The following OPRD1 variants were observed in gnomAD, a reference collection of about 807,000 sequenced individuals.
The protein encoded by OPRD1 is opioid receptor delta 1, also known as delta-type opioid receptor.
OPRD1 carries 19 observed loss-of-function variants against 17.5 expected under a neutral mutation model. The observed-to-expected ratio is 1.09, with a 90% confidence interval of 0.76 to 1.60. OPRD1 has a LOEUF of 1.60. Ranked by LOEUF, OPRD1 falls within the 40% of genes most tolerant of loss-of-function variation. The pLI, the probability that OPRD1 is intolerant of heterozygous loss-of-function variation, is 0.00. For missense variants in OPRD1, 483 were observed against 547.2 expected, an observed-to-expected ratio of 0.88 and a Z score of 1.17; for synonymous variants, 256 against 240.9, an observed-to-expected ratio of 1.06 and a Z score of -0.58.
At chr1:28,827,032 C>T (rs2088773875) in intron 1 of OPRD1, among the ~76,000 whole-genome samples, 2 of 152,176 alleles carry the variant, frequency 1.3e-5, no homozygotes, top group South Asian at 4.1e-4. Flanking sequence ...CGGTGGCTTA[C>T]GCCTGTAATT....
intron 1 of OPRD1, among the ~76,000 whole-genome samples, chr1:28,842,322 CCCGGCCTGAGCA>C (rs1473328348): frequency 1.3e-5 from 2 of 152,250 alleles, no homozygotes; most frequent in African/African-American, 2.4e-5. Flanking sequence ...AGCCACTGCA[CCCGGCCTGAGCA>C]CCGGGCATTT....
chr1:28,825,178 A>G (rs1364951663), intron 1 of OPRD1, among the ~76,000 whole-genome samples: 1 of 152,004 alleles, frequency 6.6e-6, no homozygotes, highest in Non-Finnish European at 1.5e-5. Context: ...GCCACCTTGT[A>G]TGTCAAGTTC....
chr1:28,849,623 T>C (rs183621295), intron 1 of OPRD1, among the ~76,000 whole-genome samples: 21 of 152,306 alleles, frequency 1.4e-4, no homozygotes, highest in Admixed American at 5.2e-4. Context: ...AATTATATTA[T>C]ATATCACCAG....
chr1:28,846,846 T>TTTCTTTCTTTCTTTCTTTCTTTCTTTTC (rs769212543), intron 1 of OPRD1, among the ~76,000 whole-genome samples: 9 of 76,946 alleles, frequency 1.2e-4, no homozygotes, highest in East Asian at 1.4e-3. Context: ...TCTTTCTTTC[T>TTTCTTTCTTTCTTTCTTTCTTTCTTTTC]TTTCTTTCTT....
At chr1:28,848,665 A>G (rs2088973710) in intron 1 of OPRD1, among the ~76,000 whole-genome samples, 1 of 152,202 alleles carries the variant, frequency 6.6e-6, no homozygotes, top group Non-Finnish European at 1.5e-5. Context: ...GTAAGTTCAC[A>G]TTCTTTTTCA....
chr1:28,863,160 C>T lies in OPRD1; in HGVS notation c.996C>T (p.Leu332=). 6.2e-7 allele frequency: 1 copy of T among 1,604,300 alleles called. No homozygotes were observed. ...DENFKRCFRQ[L]CRKPCGRPDP... Reference sequence around the variant, plus strand: ...ACTTCAAGCGCTGCTTCCGCCAGCTCTGCCGCAAGCCCTGCGGCCGCCCAG... The same window carrying T: ...ACTTCAAGCGCTGCTTCCGCCAGCTTTGCCGCAAGCCCTGCGGCCGCCCAG... The change falls in exon 3 of 3, where the codon CTC becomes CTT. Residue 332 remains leucine (L), a synonymous_variant. Transcript: ENST00000234961.
At chr1:28,857,780 A>G (rs768546250) in intron 1 of OPRD1, among the ~76,000 whole-genome samples, 5 of 151,488 alleles carry the variant, frequency 3.3e-5, no homozygotes, top group Admixed American at 6.6e-5. Flanking sequence ...GAGCCACTGC[A>G]CCTGGCTTAG....
In OPRD1 at chr1:28,849,505, CAT is replaced by C. The variant is rs1419192275; in HGVS notation, c.228-9448_228-9447del. On this transcript the variant is annotated intron_variant, in intron 1 of 2. Coordinates refer to ENST00000234961, the MANE Select transcript of OPRD1 (RefSeq NM_000911.4). ...ACACTGATACACATACACACACACA[CAT>C]GCACACACACACACGCACACACAGG... Among the ~76,000 whole-genome samples, 154 of 152,320 alleles carry C rather than the reference CAT, an allele frequency of 1.0e-3. 1 individual carries two copies. Among genetic ancestry groups the C allele is most frequent in the Non-Finnish European group, 1.9e-4 (13 of 68,020 alleles).
chr1:28,838,445 A>C (rs1557573404), intron 1 of OPRD1, among the ~76,000 whole-genome samples: 2 of 152,236 alleles, frequency 1.3e-5, no homozygotes, highest in South Asian at 2.1e-4. Context: ...TCCAGGCCTC[A>C]GTTTCCCCAT....
At chr1:28,815,381 C>T (rs1003453546) in intron 1 of OPRD1, among the ~76,000 whole-genome samples, 3 of 152,210 alleles carry the variant, frequency 2.0e-5, no homozygotes, top group Non-Finnish European at 4.4e-5. Flanking sequence ...GCTGGGATTA[C>T]GGGCGGAGCC....
chr1:28,854,039 C>CCCAAGGGTA (rs2089033175), intron 1 of OPRD1, among the ~76,000 whole-genome samples: 1 of 151,978 alleles, frequency 6.6e-6, no homozygotes, highest in Non-Finnish European at 1.5e-5. Flanking sequence ...CCACATCTGG[C>CCCAAGGGTA]CAGAAATAAA....
chr1:28,846,830 TTTCTTTCTTTCTTTC>T (rs2088950609), intron 1 of OPRD1, among the ~76,000 whole-genome samples: 1 of 76,204 alleles, frequency 1.3e-5, no homozygotes, highest in African/African-American at 5.7e-5. Flanking sequence ...ATTTTCTTTC[TTTCTTTCTTTCTTTC>T]TTTTCTTTCT....
At chr1:28,826,327 A>G (rs2088768172) in intron 1 of OPRD1, among the ~76,000 whole-genome samples, 1 of 152,130 alleles carries the variant, frequency 6.6e-6, no homozygotes, top group Admixed American at 6.6e-5. Context: ...GTTAGAGCCC[A>G]GCCTGGGCAA....
intron 1 of OPRD1, among the ~76,000 whole-genome samples, chr1:28,836,143 C>G (rs1382126086): frequency 2.6e-5 from 4 of 152,134 alleles, no homozygotes; most frequent in African/African-American, 9.7e-5. Flanking sequence ...TTAGGCCATG[C>G]CTGGTGAGAT....
At chr1:28,861,226 C>G (rs2089113621) in intron 2 of OPRD1, among the ~76,000 whole-genome samples, 1 of 152,142 alleles carries the variant, frequency 6.6e-6, no homozygotes, top group East Asian at 1.9e-4. Context: ...CGTGTGGCTT[C>G]TTAAATCCTA....
chr1:28,856,487 C>T (rs1394753041), intron 1 of OPRD1, among the ~76,000 whole-genome samples: 1 of 152,198 alleles, frequency 6.6e-6, no homozygotes. Flanking sequence ...CAATGTGTCT[C>T]TCTTCCTGCT....
At chr1:28,831,798 A>T (rs2088810698) in intron 1 of OPRD1, among the ~76,000 whole-genome samples, 1 of 151,948 alleles carries the variant, frequency 6.6e-6, no homozygotes, top group South Asian at 2.1e-4. Context: ...TTGGCCTCCC[A>T]AAGTACTGGG....
At chr1:28,813,560 A>G (rs535574394) in intron 1 of OPRD1, among the ~76,000 whole-genome samples, 56 of 152,302 alleles carry the variant, frequency 3.7e-4, no homozygotes, top group African/African-American at 1.2e-3. Context: ...GGACCTTCTC[A>G]GAGAGCCTAA....
At chr1:28,849,534 G>GCA (rs777529695) in intron 1 of OPRD1, among the ~76,000 whole-genome samples, 26 of 152,084 alleles carry the variant, frequency 1.7e-4, no homozygotes, top group Non-Finnish European at 3.8e-4. Context: ...ACACACAGGG[G>GCA]CACACACACG....
Sources: gnomAD v4.1 joint callset for allele counts (sites outside exome capture counted in the v4.1 genomes callset) on GRCh38, gnomAD v4.1.1 for gene constraint, MANE v1.5 for transcripts, NCBI Gene and HGNC (gene_info 2026-07-23, HGNC 2026-07-21) for gene names.